The following FAM193A variants were observed in gnomAD, a reference collection of about 807,000 sequenced individuals.
The protein encoded by FAM193A is protein FAM193A.
FAM193A carries 22 observed loss-of-function variants against 126.5 expected under a neutral mutation model. That is an observed-to-expected ratio of 0.17 (90% CI 0.12 to 0.25). The LOEUF (loss-of-function observed/expected upper bound fraction) is 0.25. FAM193A is among the 10% of genes least tolerant of loss of function. FAM193A has a pLI of 1.00. For synonymous variants in FAM193A, 761 were observed against 646.8 expected (o/e 1.18, Z -2.68); for missense variants, 1,675 against 1,672.8 (o/e 1.00, Z -0.02).
rs934648327 is a variant in FAM193A, at chr4:2,730,087, T to C, written c.4455-1688T>C. Among the ~76,000 whole-genome samples the C allele has an allele frequency of 2.6e-5, 4 of 152,052 alleles. 1 individual carries two copies. The highest frequency in any genetic ancestry group is 2.0e-4 in the Admixed American group (3 of 15,266). ...CCACTCCTGGCTAACTTTTTACTTTTTGTAAAGATGGAGTCTCACTGTGTT... is the reference window on the plus strand; with the variant it reads ...CCACTCCTGGCTAACTTTTTACTTTCTGTAAAGATGGAGTCTCACTGTGTT... On this transcript the variant is annotated intron_variant, in intron 20 of 20. Coordinates refer to ENST00000637812, the MANE Select transcript of FAM193A (RefSeq NM_001366318.2).
intron 1 of FAM193A, among the ~76,000 whole-genome samples, chr4:2,554,599 TG>T (rs1249029973): frequency 6.6e-6 from 1 of 152,154 alleles, no homozygotes; most frequent in Non-Finnish European, 1.5e-5. Context: ...TTTTTTTGGT[TG>T]ATGGTTTTGT....
intron 19 of FAM193A, among the ~76,000 whole-genome samples, chr4:2,709,663 C>G (rs1362585932): frequency 6.6e-6 from 1 of 151,832 alleles, no homozygotes; most frequent in Non-Finnish European, 1.5e-5. Context: ...GAGCCGAGAA[C>G]ACGCCACTGC....
chr4:2,565,254 CTTTT>C (rs71644338), intron 1 of FAM193A, among the ~76,000 whole-genome samples: 8 of 50,700 alleles, frequency 1.6e-4, no homozygotes, highest in African/African-American at 5.9e-4. Flanking sequence ...ATAGAGTAGC[CTTTT>C]TTTTTTTTTT....
chr4:2,659,316 C>T (rs1399913794), intron 8 of FAM193A, among the ~76,000 whole-genome samples: 7 of 152,124 alleles, frequency 4.6e-5, no homozygotes, highest in Admixed American at 2.0e-4. Flanking sequence ...GCTGTGAGGG[C>T]GCACTGCAGC....
rs957224270 is a variant in FAM193A, at chr4:2,729,709, G to A, written c.4455-2066G>A. Among the ~76,000 whole-genome samples, 54 of 152,282 alleles carry A rather than the reference G, an allele frequency of 3.5e-4. 1 individual carries two copies. Among genetic ancestry groups the A allele is most frequent in the African/African-American group, 1.3e-3 (52 of 41,550 alleles). ...TCGCTCAGCCTCTGCCCACCAGGCT[G>A]AAGCCATGCTCCCACCACAGCCTCC... On this transcript the variant is annotated intron_variant, in intron 20 of 20. Coordinates refer to ENST00000637812, the MANE Select transcript of FAM193A (RefSeq NM_001366318.2).
chr4:2,569,561 G>T (rs116182475), intron 1 of FAM193A, among the ~76,000 whole-genome samples: 1 of 152,034 alleles, frequency 6.6e-6, no homozygotes, highest in African/African-American at 2.4e-5. Context: ...TGCAGTGGCC[G>T]ATCATGACTC....
At chr4:2,540,989 G>A (rs1282303353) in intron 1 of FAM193A, among the ~76,000 whole-genome samples, 6 of 147,464 alleles carry the variant, frequency 4.1e-5, no homozygotes, top group Admixed American at 6.8e-5. Context: ...AAAAAAAAAA[G>A]GGCAGGCGCA....
intron 20 of FAM193A, among the ~76,000 whole-genome samples, chr4:2,725,961 C>A (rs1221365504): frequency 6.6e-6 from 1 of 151,996 alleles, no homozygotes; most frequent in South Asian, 2.1e-4. Flanking sequence ...TGCAGTGGCG[C>A]GATTTCGGCT....
At chr4:2,651,714 C>G (rs748805189) in intron 7 of FAM193A, among the ~76,000 whole-genome samples, 2 of 152,194 alleles carry the variant, frequency 1.3e-5, no homozygotes, top group African/African-American at 2.4e-5. Flanking sequence ...TCACGGCAGA[C>G]GTGGAAGGTC....
intron 1 of FAM193A, among the ~76,000 whole-genome samples, chr4:2,551,439 G>A (rs561802530): frequency 6.6e-6 from 1 of 152,286 alleles, no homozygotes; most frequent in African/African-American, 2.4e-5. Context: ...CATTTGGAAT[G>A]CTTAATCTGT....
chr4:2,678,497 G>T (rs1481164517), intron 13 of FAM193A, among the ~76,000 whole-genome samples: 1 of 151,830 alleles, frequency 6.6e-6, no homozygotes, highest in East Asian at 1.9e-4. Context: ...TGAGTAGCTG[G>T]GATTACAGGC....
chr4:2,672,343 T>C lies in FAM193A; in HGVS notation c.2302T>C (p.Tyr768His). ...LPRPLIHPTL[Y>H]ATPPFTHSKA... ...ACGCCCTCTCATCCACCCCACCTTGTATGCAACGCCCCCCTTCACACACAG... is the reference window on the plus strand; with the variant it reads ...ACGCCCTCTCATCCACCCCACCTTGCATGCAACGCCCCCCTTCACACACAG... Residue 768 changes from tyrosine (Y) to histidine (H), a missense_variant, in exon 13 of 21, where the codon TAT becomes CAT. By Grantham distance (83) the Tyr-to-His change is moderately conservative (BLOSUM62 2). This residue lies in a region of FAM193A where 1,186 missense variants were observed against 1,109.2 expected (regional missense o/e 1.07). Coordinates refer to ENST00000637812, the MANE Select transcript of FAM193A (RefSeq NM_001366318.2). 1 of 1,614,186 alleles carries C rather than the reference T, an allele frequency of 6.2e-7. No homozygotes were observed. Among genetic ancestry groups the C allele is most frequent in the Non-Finnish European group, 8.5e-7 (1 of 1,180,036 alleles).
intron 5 of FAM193A, among the ~76,000 whole-genome samples, chr4:2,635,472 CAT>C (rs979844974): frequency 1.3e-5 from 2 of 152,086 alleles, no homozygotes; most frequent in Admixed American, 6.6e-5. Flanking sequence ...CATATTTTAA[CAT>C]ATATTAGAGA....
intron 1 of FAM193A, among the ~76,000 whole-genome samples, chr4:2,574,214 C>T (rs548049854): frequency 3.3e-5 from 5 of 150,628 alleles, no homozygotes; most frequent in Admixed American, 1.3e-4. Flanking sequence ...GTGCTGCACT[C>T]TCTTGACATG....
chr4:2,577,422 G>GTTTTTTGTTTTT (rs1553888655), intron 1 of FAM193A, among the ~76,000 whole-genome samples: 9 of 115,568 alleles, frequency 7.8e-5, no homozygotes, highest in South Asian at 3.0e-4. Context: ...TTTTTTTTTT[G>GTTTTTTGTTTTT]TTTTTTTTTT....
chr4:2,727,618 G>A (rs768829499), intron 20 of FAM193A, among the ~76,000 whole-genome samples: 8 of 152,178 alleles, frequency 5.3e-5, no homozygotes, highest in Non-Finnish European at 1.2e-4. Context: ...ATACCCATTT[G>A]TCATCTTTTC....
At chr4:2,716,620 T>C (rs1256537354) in intron 20 of FAM193A, among the ~76,000 whole-genome samples, 1 of 152,244 alleles carries the variant, frequency 6.6e-6, no homozygotes, top group Non-Finnish European at 1.5e-5. Flanking sequence ...GCAAGTTTTA[T>C]CAGTGCTTGT....
At chr4:2,683,284 C>CT (rs200488691) in intron 13 of FAM193A, among the ~76,000 whole-genome samples, 6,268 of 142,136 alleles carry the variant, frequency 0.044, 138 homozygotes, top group Admixed American at 0.069. Flanking sequence ...AAGATTTTCT[C>CT]TTTTTTTTTT....
intron 1 of FAM193A, among the ~76,000 whole-genome samples, chr4:2,546,956 A>T (rs1737599756): frequency 6.6e-6 from 1 of 152,090 alleles, no homozygotes; most frequent in African/African-American, 2.4e-5. Context: ...TATTATTAAT[A>T]TTTTTTTAGT....
Sources: gnomAD v4.1 joint callset for allele counts (sites outside exome capture counted in the v4.1 genomes callset) on GRCh38, gnomAD v4.1.1 for gene constraint, gnomAD v4.1.1 regional missense constraint, MANE v1.5 for transcripts, NCBI Gene and HGNC (gene_info 2026-07-23, HGNC 2026-07-21) for gene names.